Variants in TACR3 observed in about 807,000 individuals in gnomAD.
TACR3 encodes tachykinin receptor 3.
Under a neutral mutation model 35.0 loss-of-function variants are expected in TACR3, and 34 were observed. The ratio of observed to expected loss-of-function variants is 0.97; its 90% confidence interval spans 0.74 to 1.30. The LOEUF is 1.30. TACR3 is among the 50% of genes most tolerant of loss of function. The probability of loss-of-function intolerance (pLI) is 0.00; values close to 1 mark genes in which losing one functional copy is unlikely to be tolerated. For synonymous variants in TACR3, 233 were observed against 221.1 expected (o/e 1.05, Z -0.48); for missense variants, 558 against 591.7 (o/e 0.94, Z 0.59).
intron 3 of TACR3, among the ~76,000 whole-genome samples, chr4:103,612,086 T>C (rs1379233708): frequency 6.6e-6 from 1 of 152,184 alleles, no homozygotes; most frequent in African/African-American, 2.4e-5. Flanking sequence ...TAAAATAATT[T>C]TCTTATTGTA....
intron 3 of TACR3, among the ~76,000 whole-genome samples, chr4:103,631,846 T>C (rs548075168): frequency 2.0e-5 from 3 of 152,320 alleles, no homozygotes; most frequent in East Asian, 1.9e-4. Flanking sequence ...TCTTGATCAG[T>C]GTTCTTTAAT....
At chr4:103,652,452 G>T (rs1725642481) in intron 3 of TACR3, among the ~76,000 whole-genome samples, 1 of 152,106 alleles carries the variant, frequency 6.6e-6, no homozygotes, top group South Asian at 2.1e-4. Context: ...GCTGGGGATG[G>T]GATGGGGTGT....
At chr4:103,618,320 T>C (rs527304932) in intron 3 of TACR3, among the ~76,000 whole-genome samples, 1 of 152,284 alleles carries the variant, frequency 6.6e-6, no homozygotes, top group East Asian at 1.9e-4. Context: ...CTAGCACCAT[T>C]TGTTGAATAG....
intron 1 of TACR3, among the ~76,000 whole-genome samples, chr4:103,696,178 T>C (rs1401547215): frequency 6.6e-6 from 1 of 152,112 alleles, no homozygotes; most frequent in Non-Finnish European, 1.5e-5. Flanking sequence ...TTTTTTTACA[T>C]ACAGGTAGTC....
chr4:103,716,567 A>G (rs1288290187), intron 1 of TACR3, among the ~76,000 whole-genome samples: 1 of 152,160 alleles, frequency 6.6e-6, no homozygotes, highest in Non-Finnish European at 1.5e-5. Context: ...TTGTGTGACC[A>G]TTAGCTTAAG....
chr4:103,602,399 T>C (rs1049232315), intron 3 of TACR3, among the ~76,000 whole-genome samples: 3 of 152,208 alleles, frequency 2.0e-5, no homozygotes, highest in Admixed American at 2.0e-4. Flanking sequence ...TAAGTCATTC[T>C]CCATCCAGCT....
At chr4:103,596,687 T>C (rs1339589815) in intron 3 of TACR3, among the ~76,000 whole-genome samples, 1 of 152,052 alleles carries the variant, frequency 6.6e-6, no homozygotes, top group Non-Finnish European at 1.5e-5. Flanking sequence ...ATGTCCCATG[T>C]TGGTCTGCTG....
In TACR3 at chr4:103,719,766, C is replaced by CT; in HGVS notation, c.-92dup. ...GAAGTTCTTCTCTGCCTCCTGGTCA[C>CT]TTTGGTGCCGGAGTCTTCAGATAAG... On this transcript the variant is annotated 5_prime_UTR_variant, in exon 1 of 5. Transcript: ENST00000304883. 1.3e-6 allele frequency: 2 copies of CT among 1,526,348 alleles called. No individual in the cohort carries two copies. The highest frequency in any genetic ancestry group is 1.8e-6 in the Non-Finnish European group (2 of 1,124,772). The allele number at this position is 1,526,348 out of a possible 1,614,324, so 94.6% of individuals were successfully genotyped here.
At chr4:103,696,313 A>G (rs1722519354) in intron 1 of TACR3, among the ~76,000 whole-genome samples, 1 of 152,206 alleles carries the variant, frequency 6.6e-6, no homozygotes, top group Non-Finnish European at 1.5e-5. Context: ...TTGATAAAAG[A>G]TCAGAAACTC....
At chr4:103,709,885 AC>A (rs1438846270) in intron 1 of TACR3, among the ~76,000 whole-genome samples, 1 of 152,188 alleles carries the variant, frequency 6.6e-6, no homozygotes, top group Non-Finnish European at 1.5e-5. Flanking sequence ...CAGACTTTAA[AC>A]CAACAAAGAT....
intron 3 of TACR3, among the ~76,000 whole-genome samples, chr4:103,629,309 G>C (rs1452514047): frequency 6.6e-6 from 1 of 152,060 alleles, no homozygotes; most frequent in Non-Finnish European, 1.5e-5. Context: ...GCAGGAGAAA[G>C]AAATAAAGGG....
At chr4:103,709,370 G>T (rs1316483462) in intron 1 of TACR3, among the ~76,000 whole-genome samples, 1 of 152,142 alleles carries the variant, frequency 6.6e-6, no homozygotes, top group Non-Finnish European at 1.5e-5. Context: ...TTAAAGAAAA[G>T]AATTTTCAAC....
rs1382984270 is a variant in TACR3 at position 103,656,234 on chromosome 4, G to T, written c.848C>A (p.Thr283Asn). 6.2e-7 allele frequency: 1 copy of T among 1,612,944 alleles called. No individual in the cohort carries two copies. The highest frequency in any genetic ancestry group is 1.3e-5 in the African/African-American group (1 of 74,928). Residue 283 changes from threonine (T) to asparagine (N), a missense_variant, in exon 3 of 5, where the codon ACC (threonine) becomes AAC (asparagine). Transcript: ENST00000304883. ...TLWGGEIPGD[T>N]CDKYHEQLKA... ...TAGCTGCTCATGATACTTGTCACAG[G>T]TATCTCCTGGGATTTCTCCTCCCCA...
At chr4:103,650,683 C>T (rs1331985960) in intron 3 of TACR3, among the ~76,000 whole-genome samples, 26 of 9,240 alleles carry the variant, frequency 2.8e-3, no homozygotes, top group African/African-American at 4.3e-3. Flanking sequence ...TATATTATAT[C>T]ATATATAATA....
intron 3 of TACR3, among the ~76,000 whole-genome samples, chr4:103,599,221 G>C (rs1021985794): frequency 6.6e-6 from 1 of 152,060 alleles, no homozygotes; most frequent in African/African-American, 2.4e-5. Flanking sequence ...AAGCAATTGT[G>C]AATGGGAGTT....
intron 1 of TACR3, among the ~76,000 whole-genome samples, chr4:103,713,400 C>T (rs12331650): frequency 0.047 from 6,634 of 142,532 alleles, 503 homozygotes; most frequent in African/African-American, 0.16. Flanking sequence ...CATGTTCTCA[C>T]TCATAGGTGG....
chr4:103,619,841 G>GAAAC (rs1266767170), intron 3 of TACR3, among the ~76,000 whole-genome samples: 4 of 152,148 alleles, frequency 2.6e-5, no homozygotes, highest in Non-Finnish European at 5.9e-5. Context: ...TGCAGATATT[G>GAAAC]AAACAGCCCT....
chr4:103,683,470 CAAAAAAAAAAAA>C (rs57761679), intron 1 of TACR3, among the ~76,000 whole-genome samples: 14 of 21,154 alleles, frequency 6.6e-4, no homozygotes, highest in Non-Finnish European at 1.2e-3. Context: ...AAAGACTGAC[CAAAAAAAAAAAA>C]AAAAAAAAAA....
At chr4:103,686,047 G>A (rs1578257110) in intron 1 of TACR3, among the ~76,000 whole-genome samples, 2 of 152,292 alleles carry the variant, frequency 1.3e-5, no homozygotes, top group South Asian at 4.1e-4. Flanking sequence ...TTAAAACATA[G>A]CAGTGTTAGT....
Sources: gnomAD v4.1 joint callset for allele counts (sites outside exome capture counted in the v4.1 genomes callset) on GRCh38, gnomAD v4.1.1 for gene constraint, MANE v1.5 for transcripts, NCBI Gene and HGNC (gene_info 2026-07-23, HGNC 2026-07-21) for gene names.